Variants in ACACB observed in about 807,000 individuals in gnomAD.
The protein encoded by ACACB is acetyl-CoA carboxylase beta, also known as acetyl-CoA carboxylase 2.
Under a neutral mutation model 278.8 loss-of-function variants are expected in ACACB, and 209 were observed. The observed-to-expected ratio is 0.75, with a 90% CI of 0.67 to 0.84. The LOEUF is 0.84. Among genes scored for constraint, ACACB ranks in the 40% least tolerant of loss-of-function variants. ACACB has a pLI of 0.00. For synonymous variants in ACACB, 1,174 were observed against 1,285.6 expected, an observed-to-expected ratio of 0.91 and a Z score of 1.86; for missense variants, 2,850 against 3,269.0, an observed-to-expected ratio of 0.87 and a Z score of 3.13.
At chr12:109,196,946 C>T (rs933723458) in intron 16 of ACACB, 62 bp from the exon 17 acceptor site, 8 of 1,472,352 alleles carry the variant, frequency 5.4e-6, no homozygotes, top group African/African-American at 1.5e-5. Context: ...GTTAGCGGGG[C>T]CCAGCAGTGC....
intron 4 of ACACB, among the ~76,000 whole-genome samples, chr12:109,169,760 T>C (rs1362333281): frequency 6.6e-6 from 1 of 152,216 alleles, no homozygotes; most frequent in Non-Finnish European, 1.5e-5. Context: ...TCTGTAGTTA[T>C]TGTGTTTATT....
In ACACB at chr12:109,188,090, G is replaced by C; in HGVS notation, c.2072G>C (p.Gly691Ala). The change falls in exon 13 of 53, where the codon GGC (glycine) becomes GCC (alanine). Residue 691 changes from glycine to alanine, a missense_variant. By Grantham distance (60) the Gly-to-Ala change is moderately conservative. Transcript: ENST00000338432. ...TACTTCAGCGTGGCCGCTACTGGAGGCCTGCACGAGTTTGCGGATTCCCAA... is the reference window on the plus strand; with the variant it reads ...TACTTCAGCGTGGCCGCTACTGGAGCCCTGCACGAGTTTGCGGATTCCCAA... ...WGYFSVAATG[G>A]LHEFADSQFG... The C allele has an allele frequency of 6.2e-7, 1 of 1,613,558 alleles. No homozygotes were observed. The highest frequency in any genetic ancestry group is 8.5e-7 in the Non-Finnish European group (1 of 1,179,518).
intron 9 of ACACB, among the ~76,000 whole-genome samples, chr12:109,178,348 C>T (rs1037223597): frequency 1.3e-5 from 2 of 152,192 alleles, no homozygotes; most frequent in African/African-American, 4.8e-5. Context: ...TAAGTTTGTC[C>T]TTAGATTCCA....
chr12:109,190,015 G>A (rs1229611828), intron 13 of ACACB, among the ~76,000 whole-genome samples: 1 of 152,148 alleles, frequency 6.6e-6, no homozygotes, highest in African/African-American at 2.4e-5. Context: ...GGAGGCTGAG[G>A]CAGGAGAATT....
Position 109,174,185 on chromosome 12 carries a change from G to T in ACACB, c.1171G>T (p.Val391Phe). 2 of 1,613,416 alleles carry T rather than the reference G, an allele frequency of 1.2e-6. No homozygotes were observed. The highest frequency in any genetic ancestry group is 1.7e-6 in the Non-Finnish European group (2 of 1,179,806). Reference protein sequence around the residue: ...ALGDKIASTVVAQTLQVPTLP... With the variant: ...ALGDKIASTVFAQTLQVPTLP... ...AGGAGATAAGATCGCCTCCACCGTT[G>T]TCGCCCAGACGCTACAGGTCCCAAC... The change falls in exon 7 of 53, where the codon GTC (valine) becomes TTC (phenylalanine). Residue 391 changes from valine (V) to phenylalanine (F), a missense_variant. Around this residue, in one of 3 missense-constraint regions of ACACB, gnomAD observed 2,265 missense variants for 2,561.3 expected, o/e 0.88. Transcript: ENST00000338432.
chr12:109,258,326 G>A lies in ACACB; in HGVS notation c.6322G>A (p.Val2108Ile), dbSNP rs772804579. ...AVETRTVEVA[V>I]PADPANLDSE... ...GGAGACACGGACTGTGGAGGTGGCA[G>A]TCCCTGCAGACCCTGCCAACCTGGA... The change falls in exon 46 of 53, where the codon GTC becomes ATC. Residue 2108 changes from valine (V) to isoleucine (I), a missense_variant. By Grantham distance (29) the Val-to-Ile change is conservative. This residue lies in a region of ACACB where 579 missense variants were observed against 684.6 expected (regional missense o/e 0.85). Coordinates refer to ENST00000338432, the MANE Select transcript of ACACB (RefSeq NM_001093.4). 1 of 1,612,528 alleles carries A rather than the reference G, an allele frequency of 6.2e-7. No homozygotes were observed. Among genetic ancestry groups the A allele is most frequent in the East Asian group, 2.2e-5 (1 of 44,864 alleles).
rs1369912084 is a variant in ACACB, at chr12:109,206,711, C to T, written c.2915C>T (p.Ala972Val). 6.2e-7 allele frequency: 1 copy of T among 1,613,942 alleles called. No individual in the cohort carries two copies. The highest frequency in any genetic ancestry group is 8.5e-7 in the Non-Finnish European group (1 of 1,180,010). The change falls in exon 20 of 53, where the codon GCT (alanine) becomes GTT (valine). Residue 972 changes from alanine (A) to valine (V), a missense_variant and splice_region_variant. By Grantham distance (64) the Ala-to-Val change is moderately conservative. This residue lies in a region of ACACB where 2,265 missense variants were observed against 2,561.3 expected (regional missense o/e 0.88). Transcript: ENST00000338432. ...GTCGTTCTTGTGGTGTCTCATCAGGCTGAACCGTTCACAGGAGAACTCCCT... is the reference window on the plus strand; with the variant it reads ...GTCGTTCTTGTGGTGTCTCATCAGGTTGAACCGTTCACAGGAGAACTCCCT... ...ELDDPSKVHP[A>V]EPFTGELPAQ...
chr12:109,135,230 G>A (rs548045801), intron 1 of ACACB, among the ~76,000 whole-genome samples: 146 of 152,154 alleles, frequency 9.6e-4, no homozygotes, highest in African/African-American at 3.3e-3. Flanking sequence ...CATGTGAAGT[G>A]GTATCTCACT....
At chr12:109,233,032 G>A (rs928978816) in intron 29 of ACACB, among the ~76,000 whole-genome samples, 29 of 152,154 alleles carry the variant, frequency 1.9e-4, no homozygotes, top group South Asian at 2.1e-4. Context: ...TAAGAGCATC[G>A]TAGCCAAGAG....
At chr12:109,223,422 G>T (rs934577726) in intron 26 of ACACB, among the ~76,000 whole-genome samples, 1 of 152,020 alleles carries the variant, frequency 6.6e-6, no homozygotes, top group African/African-American at 2.4e-5. Flanking sequence ...CATGACTTCT[G>T]CCTGCTCCCA....
In ACACB at chr12:109,245,752, A is replaced by G. The variant is rs1236271653; in HGVS notation, c.5301+4A>G. ...CCGACTTCCTGGTGGAAATGAGGTA[A>G]TAGCTCAGCGGAGCCTAACCCCTGG... On this transcript the variant is annotated splice_donor_region_variant and intron_variant, in intron 38 of 52. Coordinates refer to ENST00000338432, the MANE Select transcript of ACACB (RefSeq NM_001093.4). 1 of 1,613,644 alleles carries G rather than the reference A, an allele frequency of 6.2e-7. No homozygotes were observed. Among genetic ancestry groups the G allele is most frequent in the Non-Finnish European group, 8.5e-7 (1 of 1,179,860 alleles).
intron 50 of ACACB, among the ~76,000 whole-genome samples, chr12:109,264,909 C>A (rs1357726028): frequency 6.6e-6 from 1 of 152,184 alleles, no homozygotes; most frequent in Admixed American, 6.5e-5. Flanking sequence ...TCAACTATGG[C>A]CAGTCTGGAG....
chr12:109,197,027 C>G lies in ACACB; in HGVS notation c.2501C>G (p.Thr834Ser), dbSNP rs776415103. ...CCACAGGTGGCCCGGCAGTCTCTGA[C>G]CATGTTCGTTCTCATCATGAATGGC... Reference protein sequence around the residue: ...YILKVARQSLTMFVLIMNGCH... With the variant: ...YILKVARQSLSMFVLIMNGCH... The change falls in exon 17 of 53, where the codon ACC (threonine) becomes AGC (serine). Residue 834 changes from threonine (T) to serine (S), a missense_variant. By Grantham distance (58) the Thr-to-Ser change is moderately conservative (BLOSUM62 1). Transcript: ENST00000338432. 5.1e-6 allele frequency: 8 copies of G among 1,572,872 alleles called. No individual in the cohort carries two copies. The East Asian group carries it at 1.7e-4, about 33-fold the overall frequency.
chr12:109,168,644 TG>T (rs1319168165), intron 4 of ACACB, among the ~76,000 whole-genome samples: 2 of 151,644 alleles, frequency 1.3e-5, no homozygotes, highest in Non-Finnish European at 2.9e-5. Context: ...AATAAGACCC[TG>T]TCTCTACAAA....
intron 11 of ACACB, among the ~76,000 whole-genome samples, 177 bp from the exon 12 acceptor site, chr12:109,185,402 T>A (rs1218714799): frequency 6.6e-6 from 1 of 152,240 alleles, no homozygotes; most frequent in Non-Finnish European, 1.5e-5. Flanking sequence ...TCATGTCTTA[T>A]GGCTTTTTCT....
chr12:109,191,436 A>G (rs1268884563), intron 13 of ACACB, 177 bp from the exon 14 acceptor site: 2 of 624,416 alleles, frequency 3.2e-6, no homozygotes. Context: ...CTGGTCTTGA[A>G]CTCCTGACCT....
chr12:109,236,111 C>CGA, intron 33 of ACACB: 1 of 157,788 alleles, frequency 6.3e-6, no homozygotes, highest in Non-Finnish European at 1.4e-5. Context: ...GGACTATAGG[C>CGA]ACATGCCACC....
chr12:109,209,417 G>A, intron 21 of ACACB, 64 bp downstream of exon 21: 1 of 1,506,706 alleles, frequency 6.6e-7, no homozygotes, highest in South Asian at 1.3e-5. Flanking sequence ...CTCCCGGTCT[G>A]GCTCGATATC....
chr12:109,163,703 G>T (rs779276000), intron 2 of ACACB, among the ~76,000 whole-genome samples: 1 of 151,960 alleles, frequency 6.6e-6, no homozygotes, highest in African/African-American at 2.4e-5. Context: ...AGGCTGGAGC[G>T]CAGTGGCACA....
Sources: gnomAD v4.1 joint callset for allele counts (sites outside exome capture counted in the v4.1 genomes callset) on GRCh38, gnomAD v4.1.1 for gene constraint, gnomAD v4.1.1 regional missense constraint, MANE v1.5 for transcripts, NCBI Gene and HGNC (gene_info 2026-07-23, HGNC 2026-07-21) for gene names.